The following CHL1 variants were observed in gnomAD, a reference collection of about 807,000 sequenced individuals.
The protein encoded by CHL1 is cell adhesion molecule L1 like, also known as neural cell adhesion molecule L1-like protein.
CHL1 carries 96 observed loss-of-function variants against 141.9 expected under a neutral mutation model. The ratio of observed to expected loss-of-function variants is 0.68; its 90% confidence interval spans 0.57 to 0.80. The LOEUF (loss-of-function observed/expected upper bound fraction) is 0.80. Among genes scored for constraint, CHL1 ranks in the 30% least tolerant of loss-of-function variants. The pLI is 0.00. For missense variants in CHL1, 1,820 were observed against 1,457.2 expected, an observed-to-expected ratio of 1.25 and a Z score of -4.05; for synonymous variants, 613 against 502.2, an observed-to-expected ratio of 1.22 and a Z score of -2.95.
intron 15 of CHL1, 148 bp from the exon 16 acceptor site, chr3:377,670 T>A: frequency 1.6e-6 from 1 of 615,806 alleles, no homozygotes. Context: ...GTTTCAACTG[T>A]GGCATTCTCT....
At chr3:199,271 G>A (rs935891286) in intron 1 of CHL1, among the ~76,000 whole-genome samples, 1 of 152,222 alleles carries the variant, frequency 6.6e-6, no homozygotes, top group Non-Finnish European at 1.5e-5. Flanking sequence ...TACTGGATGG[G>A]TGTGAGTACT....
chr3:255,981 T>C (rs1694123131), intron 2 of CHL1, among the ~76,000 whole-genome samples: 1 of 152,202 alleles, frequency 6.6e-6, no homozygotes, highest in Admixed American at 6.5e-5. Flanking sequence ...CTTCCACACT[T>C]TCAACTTTCT....
At chr3:265,985 T>C (rs906732769) in intron 2 of CHL1, among the ~76,000 whole-genome samples, 2 of 152,214 alleles carry the variant, frequency 1.3e-5, no homozygotes, top group Non-Finnish European at 2.9e-5. Context: ...CCAGTGGTGG[T>C]TCTTAGTCTG....
chr3:215,709 T>C (rs1463505600), intron 1 of CHL1, among the ~76,000 whole-genome samples: 4 of 151,356 alleles, frequency 2.6e-5, no homozygotes, highest in Non-Finnish European at 1.5e-5. Context: ...GGTTTGCTCT[T>C]TTTTTTTGCA....
At position 383,834 on chromosome 3, in the gene CHL1, A is replaced by C. The variant is rs1707349966; in HGVS notation, c.2195A>C (p.Gln732Pro). Residue 732 changes from glutamine (Q) to proline (P), a missense_variant, in exon 19 of 28, where the codon CAA becomes CCA. By Grantham distance (76) the Gln-to-Pro change is moderately conservative. Transcript: ENST00000256509. The part of the protein sequence containing the change: ...TPPAAPDRNP[Q>P]NIRVQASQPK... ...TTTTCAGCTCCAGATAGGAATCCAC[A>C]AAACATAAGGGTTCAAGCCTCTCAA... The C allele has an allele frequency of 6.2e-7, 1 of 1,610,536 alleles. No individual in the cohort carries two copies. Among genetic ancestry groups the C allele is most frequent in the Non-Finnish European group, 8.5e-7 (1 of 1,178,078 alleles).
intron 1 of CHL1, among the ~76,000 whole-genome samples, chr3:222,389 G>C (rs565051986): frequency 1.3e-5 from 2 of 152,238 alleles, no homozygotes; most frequent in East Asian, 3.9e-4. Flanking sequence ...CCACAATAAG[G>C]CATGTTAATA....
chr3:244,266 C>T (rs1026083183), intron 1 of CHL1, among the ~76,000 whole-genome samples: 4 of 152,164 alleles, frequency 2.6e-5, no homozygotes, highest in African/African-American at 9.7e-5. Context: ...CCAGACAGGT[C>T]AGGAGAACCG....
At position 301,887 on chromosome 3, in the gene CHL1, G is replaced by T. The variant is rs561289568; in HGVS notation, c.-94-17796G>T. ...CCTACATTAGCTATTTCTCCTAATGGTATCCCTCCCCAGCACCGCACCGCC... is the reference window on the plus strand; with the variant it reads ...CCTACATTAGCTATTTCTCCTAATGTTATCCCTCCCCAGCACCGCACCGCC... On this transcript the variant is annotated intron_variant, in intron 2 of 27. Transcript: ENST00000256509. Among the ~76,000 whole-genome samples, 64 of 152,136 alleles carry T rather than the reference G, an allele frequency of 4.2e-4. 2 individuals are homozygous for T. The South Asian group carries it at 9.5e-3, about 23-fold the overall frequency.
intron 19 of CHL1, chr3:384,538 T>C (rs1369145248): frequency 6.6e-6 from 1 of 152,176 alleles, no homozygotes; most frequent in Non-Finnish European, 1.5e-5. Context: ...ACCATTTGAA[T>C]TTTGCATAAA....
chr3:290,945 A>G (rs1011855716), intron 2 of CHL1, among the ~76,000 whole-genome samples: 7 of 151,830 alleles, frequency 4.6e-5, no homozygotes, highest in African/African-American at 1.7e-4. Flanking sequence ...CAAAAAAAAA[A>G]AAAAGAAAGA....
At chr3:239,120 A>G (rs969444082) in intron 1 of CHL1, among the ~76,000 whole-genome samples, 9 of 152,060 alleles carry the variant, frequency 5.9e-5, no homozygotes, top group Non-Finnish European at 1.0e-4. Context: ...GAACCCGGAG[A>G]CTGATCTCAA....
Position 230,199 on chromosome 3 carries a change from TGAAGA to T in CHL1, c.-174-14408_-174-14404del, listed in dbSNP as rs1701736612. 2.6e-5 allele frequency among the ~76,000 whole-genome samples: 4 copies of T among 152,208 alleles called. No homozygotes were observed. The South Asian group carries it at 8.3e-4, about 32-fold the overall frequency. ...TAAATTCTGAGCATTCAGTACATAA[TGAAGA>T]GAAGAAAACATGTCTTTTAAGCTCC... On this transcript the variant is annotated intron_variant, in intron 1 of 27. Coordinates refer to ENST00000256509, the MANE Select transcript of CHL1 (RefSeq NM_006614.4).
At chr3:374,344 G>T (rs1706028569) in intron 15 of CHL1, among the ~76,000 whole-genome samples, 1 of 152,098 alleles carries the variant, frequency 6.6e-6, no homozygotes, top group Non-Finnish European at 1.5e-5. Context: ...CCTCAGGTTA[G>T]GTCTCCGCTG....
At chr3:204,124 AT>A (rs1440125857) in intron 1 of CHL1, among the ~76,000 whole-genome samples, 2 of 152,226 alleles carry the variant, frequency 1.3e-5, no homozygotes, top group Non-Finnish European at 2.9e-5. Context: ...TTCAAAACAA[AT>A]TTGTCCATTT....
Position 288,373 on chromosome 3 carries a change from A to G in CHL1, c.-94-31310A>G, listed in dbSNP as rs139901792. On this transcript the variant is annotated intron_variant, in intron 2 of 27. Transcript: ENST00000256509. ...ATACAGGCATAATTTACATATATGC[A>G]TATACAATGTACAATATATCCAGAA... Among the ~76,000 whole-genome samples, 932 of 152,122 alleles carry G rather than the reference A, an allele frequency of 6.1e-3. 10 individuals are homozygous for G. Among genetic ancestry groups the G allele is most frequent in the African/African-American group, 0.021 (862 of 41,374 alleles).
At chr3:203,179 G>C (rs1401130996) in intron 1 of CHL1, among the ~76,000 whole-genome samples, 1 of 152,228 alleles carries the variant, frequency 6.6e-6, no homozygotes, top group East Asian at 1.9e-4. Context: ...AGGCACCATA[G>C]TCTATATAGG....
chr3:386,449 T>A (rs1575255126), intron 19 of CHL1, among the ~76,000 whole-genome samples: 1 of 152,200 alleles, frequency 6.6e-6, no homozygotes, highest in Non-Finnish European at 1.5e-5. Context: ...CACTCATATA[T>A]TTTGAGTGTT....
rs1328037535 is a variant in CHL1, at chr3:360,410, A to G, written c.1292A>G (p.Asn431Ser). 1.9e-6 allele frequency: 3 copies of G among 1,613,430 alleles called. No homozygotes were observed. The highest frequency in any genetic ancestry group is 2.2e-5 in the East Asian group (1 of 44,872). ...NVHGTILANANIDVVDVRPLI... is the reference protein window; with the variant it reads ...NVHGTILANASIDVVDVRPLI... The stretch of plus-strand genomic sequence containing the variant: ...CATGGAACTATCCTTGCCAATGCCA[A>G]TATTGATGTTGTGGGTGAGTGTGCC... The change falls in exon 12 of 28, where the codon AAT becomes AGT. Residue 431 changes from asparagine to serine, a missense_variant. By Grantham distance (46) the Asn-to-Ser change is conservative. Transcript: ENST00000256509.
At chr3:292,346 CTT>C (rs1697766186) in intron 2 of CHL1, among the ~76,000 whole-genome samples, 1 of 152,180 alleles carries the variant, frequency 6.6e-6, no homozygotes, top group African/African-American at 2.4e-5. Flanking sequence ...AATCACAAAG[CTT>C]TACTTGACTT....
Sources: gnomAD v4.1 joint callset for allele counts (sites outside exome capture counted in the v4.1 genomes callset) on GRCh38, gnomAD v4.1.1 for gene constraint, MANE v1.5 for transcripts, NCBI Gene and HGNC (gene_info 2026-07-23, HGNC 2026-07-21) for gene names.